Variants in ATP7A observed in about 807,000 individuals in gnomAD.
ATP7A encodes the protein copper-transporting ATPase 1.
In ATP7A, 7 loss-of-function variants were observed where a neutral mutation model predicts 83.5. The ratio of observed to expected loss-of-function variants is 0.08; its 90% CI spans 0.05 to 0.16. The LOEUF (loss-of-function observed/expected upper bound fraction) is 0.16, where lower values mean the gene tolerates loss of function less well. Ranked by LOEUF, ATP7A falls within the 10% of genes least tolerant of loss-of-function variation. The pLI is 1.00. For missense variants in ATP7A, 940 were observed against 1,120.8 expected, an observed-to-expected ratio of 0.84 and a Z score of 2.30; for synonymous variants, 354 against 395.2, an observed-to-expected ratio of 0.90 and a Z score of 1.24.
At position 77,988,612 on chromosome X, in the gene ATP7A, G is replaced by A. The variant is rs144655617; in HGVS notation, c.491G>A (p.Ser164Asn). ...EKKSGACEDH[S>N]MAQAGEVVLK... is the part of the protein sequence containing the mutation. ...AAGTCAGGAGCTTGTGAAGATCATA[G>A]TATGGCTCAAGCTGGTGAAGTCGTG... The change falls in exon 3 of 23, where the codon AGT (serine) becomes AAT (asparagine). Residue 164 changes from serine (S) to asparagine (N), a missense_variant. Coordinates refer to ENST00000341514, the MANE Select transcript of ATP7A (RefSeq NM_000052.7). 834 of 1,210,047 alleles carry A rather than the reference G, an allele frequency of 6.9e-4. 3 individuals are homozygous for A. The African/African-American group carries it at 0.012, about 17-fold the overall frequency.
chrX:77,981,634 A>G (rs1238540994), intron 2 of ATP7A, among the ~76,000 whole-genome samples: 1 of 111,518 alleles, frequency 9.0e-6, no homozygotes, highest in Non-Finnish European at 1.9e-5. Context: ...ACATAGCAAG[A>G]CCTTGTCTTT....
At chrX:77,969,613 A>C (rs782509249) in intron 1 of ATP7A, 7 of 1,212,025 alleles carry the variant, frequency 5.8e-6, no homozygotes, top group Admixed American at 4.3e-5. Flanking sequence ...GCCGTGCCGG[A>C]TCAGCACCAG....
intron 4 of ATP7A, among the ~76,000 whole-genome samples, chrX:77,995,523 G>A (rs1301557921): frequency 1.1e-5 from 1 of 92,499 alleles, no homozygotes; most frequent in African/African-American, 4.2e-5. Flanking sequence ...AGCCGAGATT[G>A]CGCCACTGCA....
At chrX:77,963,493 G>A (rs1557228322) in intron 1 of ATP7A, 1 of 112,386 alleles carries the variant, frequency 8.9e-6, no homozygotes. Flanking sequence ...GTATGAATCA[G>A]GACTTTGTTG....
chrX:77,999,993 G>A (rs192878854), intron 5 of ATP7A, among the ~76,000 whole-genome samples: 1 of 110,495 alleles, frequency 9.1e-6, no homozygotes, highest in Non-Finnish European at 1.9e-5. Context: ...AGCCCTAGGT[G>A]TCTTAATGAT....
chrX:78,045,949 C>T (rs2078080593), intron 22 of ATP7A, among the ~76,000 whole-genome samples: 2 of 111,984 alleles, frequency 1.8e-5, no homozygotes, highest in South Asian at 7.5e-4. Flanking sequence ...TGCCACTGCA[C>T]TCCAGCCTAG....
chrX:78,037,656 T>C (rs991705175), intron 17 of ATP7A, among the ~76,000 whole-genome samples: 4 of 111,741 alleles, frequency 3.6e-5, no homozygotes, highest in Non-Finnish European at 5.7e-5. Flanking sequence ...CCCCTAAGAA[T>C]GTGGTATCCT....
chrX:78,045,379 C>T (rs1557238967), intron 21 of ATP7A, 91 bp from the exon 22 acceptor site: 1 of 827,819 alleles, frequency 1.2e-6, no homozygotes, highest in East Asian at 3.2e-5. Flanking sequence ...GAAGAAGTAT[C>T]AAACAAAGAA....
At chrX:78,007,386 C>T (rs1557233855) in intron 6 of ATP7A, among the ~76,000 whole-genome samples, 1 of 110,204 alleles carries the variant, frequency 9.1e-6, no homozygotes, top group Non-Finnish European at 1.9e-5. Flanking sequence ...AGTGCAGTGG[C>T]GCGATCTTGG....
At chrX:78,015,919 A>T in intron 12 of ATP7A, 38 bp downstream of exon 12, 11 of 1,200,964 alleles carry the variant, frequency 9.2e-6, no homozygotes, top group Non-Finnish European at 1.2e-5. Flanking sequence ...AAATGTTAAG[A>T]AAAATAGACA....
chrX:78,007,474 T>C (rs2077784351), intron 6 of ATP7A, among the ~76,000 whole-genome samples: 1 of 111,527 alleles, frequency 9.0e-6, no homozygotes, highest in African/African-American at 3.3e-5. Flanking sequence ...TACAGGCGTC[T>C]GCCACCATGC....
In ATP7A at chrX:78,012,973, T is replaced by C. The variant is rs2077837542; in HGVS notation, c.2267T>C (p.Ile756Thr). The stretch of plus-strand genomic sequence containing the variant: ...GTACTGATTGTGCTGGCAACCACCA[T>C]TGCATTTGCCTACTCTTTGATTATT... ...MDVLIVLATTIAFAYSLIILL... is the reference protein window; with the variant it reads ...MDVLIVLATTTAFAYSLIILL... The change falls in exon 10 of 23, where the codon ATT becomes ACT. Residue 756 changes from isoleucine (I) to threonine (T), a missense_variant. By Grantham distance (89) the Ile-to-Thr change is moderately conservative. Coordinates refer to ENST00000341514, the MANE Select transcript of ATP7A (RefSeq NM_000052.7). The C allele has an allele frequency of 8.3e-7, 1 of 1,211,313 alleles. No homozygotes were observed. The highest frequency in any genetic ancestry group is 1.1e-6 in the Non-Finnish European group (1 of 895,144).
intron 1 of ATP7A, among the ~76,000 whole-genome samples, chrX:77,919,192 C>T (rs917729900): frequency 2.7e-5 from 3 of 111,800 alleles, no homozygotes; most frequent in Non-Finnish European, 3.8e-5. Flanking sequence ...AGATGTCTGG[C>T]ATCTCAGTTC....
intron 1 of ATP7A, among the ~76,000 whole-genome samples, chrX:77,965,719 A>G (rs1260826827): frequency 8.9e-6 from 1 of 112,306 alleles, no homozygotes; most frequent in Non-Finnish European, 1.9e-5. Flanking sequence ...ATTATTCATA[A>G]TAGCCAAAAG....
At chrX:78,029,590 A>G in intron 15 of ATP7A, 146 bp downstream of exon 15, 1 of 652,665 alleles carries the variant, frequency 1.5e-6, no homozygotes, top group East Asian at 3.5e-5. Context: ...GAGGTAGGAA[A>G]GGTGTTATTT....
intron 17 of ATP7A, among the ~76,000 whole-genome samples, chrX:78,037,980 GTTTTTTTTTTT>G (rs782643561): frequency 7.8e-5 from 4 of 51,220 alleles, no homozygotes; most frequent in African/African-American, 3.1e-4. Flanking sequence ...ATCAAGAAAG[GTTTTTTTTTTT>G]TTTTTTTTTT....
intron 4 of ATP7A, 89 bp from the exon 5 acceptor site, chrX:77,998,389 G>A: frequency 1.1e-6 from 1 of 905,264 alleles, no homozygotes; most frequent in African/African-American, 1.9e-5. Context: ...TAGATTGTCA[G>A]TGCCTGGAGG....
chrX:78,041,229 C>T (rs2078045741), intron 19 of ATP7A, among the ~76,000 whole-genome samples: 1 of 111,658 alleles, frequency 9.0e-6, no homozygotes, highest in Non-Finnish European at 1.9e-5. Flanking sequence ...ATGCCTTCTC[C>T]CCTCTTCTAA....
rs782336657 is a variant in ATP7A, at chrX:77,948,320, G to T, written c.-21-23301G>T. On this transcript the variant is annotated intron_variant, in intron 1 of 22. Coordinates refer to ENST00000341514, the MANE Select transcript of ATP7A (RefSeq NM_000052.7). Reference sequence around the variant, plus strand: ...TGTTTTTGTATTTTTAGTAGACGGGGTTTCACCGTGTTAGCCAGGAAGGTC... The same window carrying T: ...TGTTTTTGTATTTTTAGTAGACGGGTTTTCACCGTGTTAGCCAGGAAGGTC... Among the ~76,000 whole-genome samples, 6 of 108,410 alleles carry T rather than the reference G, an allele frequency of 5.5e-5. No homozygotes were observed. In the South Asian group the frequency reaches 2.3e-3, roughly 42 times the overall value. The allele number at this position is 108,410 out of a possible 115,157, so 94.1% of individuals were successfully genotyped here.
Sources: gnomAD v4.1 joint callset for allele counts (sites outside exome capture counted in the v4.1 genomes callset) on GRCh38, gnomAD v4.1.1 for gene constraint, MANE v1.5 for transcripts, NCBI Gene and HGNC (gene_info 2026-07-23, HGNC 2026-07-21) for gene names.